Variants in LRP1B observed in about 807,000 individuals in gnomAD.
The protein encoded by LRP1B is LDL receptor related protein 1B.
Under a neutral mutation model 556.6 loss-of-function variants are expected in LRP1B, and 217 were observed. The observed-to-expected ratio is 0.39, with a 90% CI of 0.35 to 0.44. The LOEUF (loss-of-function observed/expected upper bound fraction) is 0.44. Among genes scored for constraint, LRP1B ranks in the 20% least tolerant of loss-of-function variants. LRP1B has a pLI of 1.00. For synonymous variants in LRP1B, 2,047 were observed against 1,865.8 expected (o/e 1.10, Z -2.50); for missense variants, 5,053 against 5,620.8 (o/e 0.90, Z 3.23).
chr2:140,736,993 G>GC (rs1012121380), intron 35 of LRP1B, among the ~76,000 whole-genome samples: 3 of 152,058 alleles, frequency 2.0e-5, no homozygotes, highest in African/African-American at 7.2e-5. Flanking sequence ...CATTGTTAAG[G>GC]CCAAAAATAC....
chr2:141,616,396 A>C (rs1355978448), intron 2 of LRP1B, among the ~76,000 whole-genome samples: 1 of 152,080 alleles, frequency 6.6e-6, no homozygotes, highest in Non-Finnish European at 1.5e-5. Context: ...TCCCACCCCC[A>C]TTATCTCCTC....
chr2:140,919,989 C>A (rs1694689699), intron 21 of LRP1B, among the ~76,000 whole-genome samples: 1 of 151,824 alleles, frequency 6.6e-6, no homozygotes, highest in African/African-American at 2.4e-5. Flanking sequence ...CATATATAAC[C>A]TTATACAATC....
chr2:141,518,925 G>C (rs572163393), intron 2 of LRP1B, among the ~76,000 whole-genome samples: 87 of 152,056 alleles, frequency 5.7e-4, no homozygotes, highest in African/African-American at 2.0e-3. Flanking sequence ...ACTCCAGCCT[G>C]GACAACAAGA....
chr2:141,591,754 A>C (rs1043915715), intron 2 of LRP1B, among the ~76,000 whole-genome samples: 7 of 152,084 alleles, frequency 4.6e-5, no homozygotes, highest in Non-Finnish European at 7.4e-5. Flanking sequence ...TATGTGTATG[A>C]TTAAGCCTAT....
At chr2:141,527,413 C>CA (rs11427907) in intron 2 of LRP1B, among the ~76,000 whole-genome samples, 12,388 of 145,402 alleles carry the variant, frequency 0.085, 614 homozygotes, top group South Asian at 0.18. Context: ...AGGCATTTTA[C>CA]AAAAAAAAAA....
chr2:141,519,360 G>GATTGATAT (rs1553526767), intron 2 of LRP1B, among the ~76,000 whole-genome samples: 1 of 68,302 alleles, frequency 1.5e-5, no homozygotes, highest in African/African-American at 5.7e-5. Flanking sequence ...TTAAGTCAAT[G>GATTGATAT]ATATATATAT....
chr2:141,657,054 A>G (rs372756257), intron 2 of LRP1B, among the ~76,000 whole-genome samples: 114 of 152,176 alleles, frequency 7.5e-4, no homozygotes, highest in African/African-American at 2.6e-3. Flanking sequence ...TTCACATAAA[A>G]CTACAGCTTG....
At chr2:141,322,970 C>T (rs1287981007) in intron 3 of LRP1B, among the ~76,000 whole-genome samples, 2 of 152,026 alleles carry the variant, frequency 1.3e-5, no homozygotes, top group Non-Finnish European at 2.9e-5. Context: ...TATTTGTTTA[C>T]TCATTGCAAA....
chr2:141,442,823 A>G (rs1681034498), intron 3 of LRP1B, among the ~76,000 whole-genome samples: 1 of 152,080 alleles, frequency 6.6e-6, no homozygotes, highest in Non-Finnish European at 1.5e-5. Flanking sequence ...TTTATTCAGT[A>G]TAAAATTGAC....
chr2:141,467,242 TAGAC>T (rs1472644006), intron 3 of LRP1B, among the ~76,000 whole-genome samples: 1 of 151,368 alleles, frequency 6.6e-6, no homozygotes, highest in Non-Finnish European at 1.5e-5. Context: ...ACGTGGGTAA[TAGAC>T]AGTCAATAAA....
chr2:141,329,501 G>A (rs1466299095), intron 3 of LRP1B, among the ~76,000 whole-genome samples: 2 of 151,802 alleles, frequency 1.3e-5, no homozygotes, highest in Non-Finnish European at 2.9e-5. Context: ...AAAATTAGCC[G>A]GGTGTGGTGG....
At chr2:140,435,994 C>T (rs542643651) in intron 66 of LRP1B, among the ~76,000 whole-genome samples, 13 of 152,184 alleles carry the variant, frequency 8.5e-5, no homozygotes, top group African/African-American at 2.9e-4. Flanking sequence ...CTCTCTCACA[C>T]ACACACACAC....
chr2:140,807,888 T>G (rs1172160268), intron 32 of LRP1B, among the ~76,000 whole-genome samples: 1 of 149,822 alleles, frequency 6.7e-6, no homozygotes, highest in East Asian at 2.0e-4. Context: ...GGTCAGGAGT[T>G]CAAGACCAGC....
chr2:140,420,817 T>C (rs1685407469), intron 66 of LRP1B, among the ~76,000 whole-genome samples: 1 of 152,168 alleles, frequency 6.6e-6, no homozygotes, highest in South Asian at 2.1e-4. Flanking sequence ...AGCAACTAAG[T>C]GGTTACCTAT....
At chr2:141,293,967 C>T (rs1686081298) in intron 3 of LRP1B, among the ~76,000 whole-genome samples, 1 of 152,040 alleles carries the variant, frequency 6.6e-6, no homozygotes, top group Non-Finnish European at 1.5e-5. Context: ...AGGTACACAT[C>T]TATTACAGTC....
chr2:140,600,003 C>T (rs1401838808), intron 42 of LRP1B, among the ~76,000 whole-genome samples: 1 of 151,986 alleles, frequency 6.6e-6, no homozygotes, highest in Non-Finnish European at 1.5e-5. Context: ...CTTTATTATA[C>T]TTTATTTACA....
intron 3 of LRP1B, among the ~76,000 whole-genome samples, chr2:141,361,843 A>G (rs1017523717): frequency 1.3e-5 from 2 of 152,206 alleles, no homozygotes; most frequent in East Asian, 3.9e-4. Context: ...AATATCTATC[A>G]TTCATTCCAC....
intron 7 of LRP1B, among the ~76,000 whole-genome samples, chr2:141,082,922 C>A (rs1699961415): frequency 6.6e-6 from 1 of 152,116 alleles, no homozygotes; most frequent in African/African-American, 2.4e-5. Flanking sequence ...TTATGTGATC[C>A]CATTCTGATT....
chr2:141,872,243 G>A (rs1183179810), intron 1 of LRP1B, among the ~76,000 whole-genome samples: 1 of 151,936 alleles, frequency 6.6e-6, no homozygotes, highest in African/African-American at 2.4e-5. Context: ...GCATTTCCTT[G>A]AATGTGAAAT....
Sources: allele counts gnomAD v4.1 joint callset (sites outside exome capture counted in the v4.1 genomes callset), GRCh38; gene constraint gnomAD v4.1.1; transcripts MANE v1.5; gene names NCBI Gene and HGNC (gene_info 2026-07-23, HGNC 2026-07-21).